CSMD3: variants seen among roughly 807,000 people sequenced by gnomAD.
CSMD3 encodes the protein CUB and Sushi multiple domains 3, also known as CUB and sushi domain-containing protein 3.
Under a neutral mutation model 435.2 loss-of-function variants are expected in CSMD3, and 177 were observed. The ratio of observed to expected loss-of-function variants is 0.41; its 90% CI spans 0.36 to 0.46. The LOEUF is 0.46. CSMD3 is among the 20% of genes least tolerant of loss of function. CSMD3 has a pLI of 0.34. For synonymous variants in CSMD3, 1,656 were observed against 1,520.5 expected (o/e 1.09, Z -2.07); for missense variants, 4,265 against 4,504.6 (o/e 0.95, Z 1.52).
chr8:112,271,892 A>C (rs2130483347), intron 59 of CSMD3, among the ~76,000 whole-genome samples: 1 of 152,328 alleles, frequency 6.6e-6, no homozygotes, highest in Admixed American at 6.5e-5. Context: ...CCAATTCCAT[A>C]GTATTAAAAG....
At chr8:112,243,641 C>A (rs1308445729) in intron 65 of CSMD3, among the ~76,000 whole-genome samples, 3 of 152,034 alleles carry the variant, frequency 2.0e-5, no homozygotes, top group Non-Finnish European at 4.4e-5. Context: ...AGGACTCTTT[C>A]TACTAGGGTT....
At chr8:112,262,404 C>G (rs1816504038) in intron 61 of CSMD3, among the ~76,000 whole-genome samples, 1 of 151,342 alleles carries the variant, frequency 6.6e-6, no homozygotes, top group East Asian at 1.9e-4. Flanking sequence ...AGGGACAGAG[C>G]AGTGAATAAA....
At chr8:112,862,273 T>G (rs2080847457) in intron 10 of CSMD3, among the ~76,000 whole-genome samples, 1 of 152,060 alleles carries the variant, frequency 6.6e-6, no homozygotes, top group Non-Finnish European at 1.5e-5. Context: ...GCATATTTCT[T>G]GTTTTCTTAA....
At chr8:112,574,710 G>A (rs1294820447) in intron 23 of CSMD3, among the ~76,000 whole-genome samples, 1 of 151,900 alleles carries the variant, frequency 6.6e-6, no homozygotes. Context: ...ACAATGATTT[G>A]TGGTTTCCCA....
chr8:112,447,947 G>C (rs1378941246), intron 32 of CSMD3, among the ~76,000 whole-genome samples: 1 of 152,094 alleles, frequency 6.6e-6, no homozygotes, highest in African/African-American at 2.4e-5. Flanking sequence ...GCATACCTGT[G>C]TATGTCACCT....
At chr8:112,589,582 A>T (rs905682791) in intron 22 of CSMD3, among the ~76,000 whole-genome samples, 1 of 152,212 alleles carries the variant, frequency 6.6e-6, no homozygotes, top group Non-Finnish European at 1.5e-5. Context: ...CAAGATTTTC[A>T]TTATATATAA....
chr8:113,178,610 A>T (rs894648638), intron 3 of CSMD3, among the ~76,000 whole-genome samples: 27 of 151,920 alleles, frequency 1.8e-4, no homozygotes, highest in Non-Finnish European at 1.3e-4. Flanking sequence ...ATTGATTAAG[A>T]GGAGATCTGG....
intron 5 of CSMD3, among the ~76,000 whole-genome samples, chr8:113,021,571 G>A (rs1313529550): frequency 6.6e-6 from 1 of 152,072 alleles, no homozygotes; most frequent in Non-Finnish European, 1.5e-5. Context: ...AAAAGACCCA[G>A]TTCAGTACAT....
intron 10 of CSMD3, among the ~76,000 whole-genome samples, chr8:112,909,745 T>G (rs2082356230): frequency 6.6e-6 from 1 of 151,838 alleles, no homozygotes; most frequent in South Asian, 2.1e-4. Flanking sequence ...TTTCATTTCT[T>G]CCCAAGAAAC....
chr8:112,730,391 A>G (rs1274300261), intron 13 of CSMD3, among the ~76,000 whole-genome samples: 1 of 152,106 alleles, frequency 6.6e-6, no homozygotes, highest in East Asian at 1.9e-4. Flanking sequence ...TATTTCATAC[A>G]TGGTCAAGCT....
intron 3 of CSMD3, among the ~76,000 whole-genome samples, chr8:113,181,662 A>G (rs2092423446): frequency 6.6e-6 from 1 of 152,090 alleles, no homozygotes; most frequent in Non-Finnish European, 1.5e-5. Context: ...TGAAAGGATC[A>G]TGAAATATAA....
chr8:112,650,782 C>T (rs2075105070), intron 18 of CSMD3, among the ~76,000 whole-genome samples: 1 of 94,664 alleles, frequency 1.1e-5, no homozygotes, highest in South Asian at 3.3e-4. Context: ...AACACCAGAA[C>T]CGTTCTAAGT....
chr8:112,506,705 G>A lies in CSMD3; in HGVS notation c.4881C>T (p.Ser1627=), dbSNP rs771408686. 1 of 1,613,616 alleles carries A rather than the reference G, an allele frequency of 6.2e-7. No individual in the cohort carries two copies. The highest frequency in any genetic ancestry group is 8.5e-7 in the Non-Finnish European group (1 of 1,179,608). ...TAAGAACTCACCTGATGAACGCCAA[G>A]GAGATAACATAGTCTGCATTGACGG... is the stretch of plus-strand genomic sequence containing the variant. ...TITVNADYVI[S]LAFISFSIEP... is the part of the protein sequence containing the mutation. Residue 1627 remains serine (S), a synonymous_variant, in exon 29 of 71, where the codon TCC becomes TCT. Coordinates refer to ENST00000297405, the MANE Select transcript of CSMD3 (RefSeq NM_198123.2).
chr8:112,517,030 A>G lies in CSMD3; in HGVS notation c.4756+4T>C, dbSNP rs146949777. ...TAAAATTTTAATTGTTCTTTAATTC[A>G]TACCTATACAGACTGGTGGGCTGGG... On this transcript the variant is annotated splice_donor_region_variant and intron_variant, in intron 28 of 70. Coordinates refer to ENST00000297405, the MANE Select transcript of CSMD3 (RefSeq NM_198123.2). 6.2e-7 allele frequency: 1 copy of G among 1,607,148 alleles called. No homozygotes were observed. Among genetic ancestry groups the G allele is most frequent in the African/African-American group, 1.3e-5 (1 of 74,882 alleles).
In CSMD3 at chr8:112,341,477, C is replaced by T. The variant is rs778364128; in HGVS notation, c.6652G>A (p.Ala2218Thr). ...TTTCATTTTTTATTATTTCTCTTAC[C>T]TTGGTATACAATATGAAACCCTTGT... ...NKQGFHIVYQ[A>T]YQLQSCPDPR... Residue 2218 changes from alanine (A) to threonine (T), a missense_variant and splice_region_variant, in exon 42 of 71, where the codon GCC becomes ACC. Ala to Thr is a moderately conservative substitution (Grantham distance 58). Coordinates refer to ENST00000297405, the MANE Select transcript of CSMD3 (RefSeq NM_198123.2). 6.3e-7 allele frequency: 1 copy of T among 1,580,776 alleles called. No homozygotes were observed. The highest frequency in any genetic ancestry group is 1.1e-5 in the South Asian group (1 of 90,248).
At chr8:112,245,803 G>A (rs1279700113) in intron 64 of CSMD3, among the ~76,000 whole-genome samples, 1 of 152,146 alleles carries the variant, frequency 6.6e-6, no homozygotes, top group African/African-American at 2.4e-5. Context: ...CTCCCAAAGT[G>A]CTAGGATTAT....
intron 38 of CSMD3, among the ~76,000 whole-genome samples, chr8:112,370,005 G>GGAAGAGGAAGAA (rs1240601780): frequency 1.6e-5 from 1 of 64,042 alleles, no homozygotes; most frequent in East Asian, 4.7e-4. Flanking sequence ...AAGAAGAAGA[G>GGAAGAGGAAGAA]GAAGAGGAAG....
intron 3 of CSMD3, among the ~76,000 whole-genome samples, chr8:113,254,027 G>C (rs2093358587): frequency 6.6e-6 from 1 of 151,966 alleles, no homozygotes; most frequent in South Asian, 2.1e-4. Context: ...GTCTTTCCAT[G>C]TTATTTACCA....
intron 1 of CSMD3, among the ~76,000 whole-genome samples, chr8:113,402,306 T>C (rs11993804): frequency 6.6e-6 from 1 of 151,548 alleles, no homozygotes; most frequent in African/African-American, 2.4e-5. Context: ...TAATTTGAGT[T>C]TGACTGTCTT....
Sources: allele counts gnomAD v4.1 joint callset (sites outside exome capture counted in the v4.1 genomes callset), GRCh38; gene constraint gnomAD v4.1.1; transcripts MANE v1.5; gene names NCBI Gene and HGNC (gene_info 2026-07-23, HGNC 2026-07-21).